FUT5: variants seen among roughly 807,000 people sequenced by gnomAD.
FUT5 encodes the protein 4-galactosyl-N-acetylglucosaminide 3-alpha-L-fucosyltransferase FUT5.
Under a neutral mutation model 0.8 loss-of-function variants are expected in FUT5, and 1 was observed. That is an observed-to-expected ratio of 1.26 (90% CI 0.45 to 5.99). FUT5 has a LOEUF of 5.99. Ranked by LOEUF, FUT5 falls within the 30% of genes most tolerant of loss-of-function variation. The pLI is 0.15. For synonymous variants in FUT5, 212 were observed against 225.7 expected (o/e 0.94, Z 0.54); for missense variants, 437 against 517.8 (o/e 0.84, Z 1.51).
rs1016005845 is a variant in FUT5 at position 5,866,543 on chromosome 19, A to G, written c.*58T>C. On this transcript the variant is annotated 3_prime_UTR_variant, in exon 2 of 2. Coordinates refer to ENST00000588525, the MANE Select transcript of FUT5 (RefSeq NM_002034.2). The surrounding 1 kb of genome is among the most constrained non-coding windows in gnomAD (Gnocchi z 4.9). ...TAAATCCCCCGACTAGTGAGACCCT[A>G]GGTAGGTGAGGCCCTGGGAAAGTGA... 44 of 1,611,266 alleles carry G rather than the reference A, an allele frequency of 2.7e-5. No homozygotes were observed. Among genetic ancestry groups the G allele is most frequent in the Non-Finnish European group, 3.7e-5 (44 of 1,179,080 alleles).
rs1432617107 is a variant in FUT5 at position 5,867,455 on chromosome 19, G to A, written c.271C>T (p.Leu91=). ...WTWPFNTPVA[L]PRCSEMVPGA... ...GGCACCATCTCTGAGCAGCGGGGCA[G>A]AGCCACGGGTGTGTTAAAAGGCCAC... The change falls in exon 2 of 2, where the codon CTG becomes TTG. Residue 91 remains leucine, a synonymous_variant. Transcript: ENST00000588525. The surrounding 1 kb of genome is among the most constrained non-coding windows in gnomAD (Gnocchi z 5.0). The A allele has an allele frequency of 6.2e-7, 1 of 1,608,324 alleles. No individual in the cohort carries two copies.
chr19:5,866,477 C>T lies in FUT5; in HGVS notation c.*124G>A, dbSNP rs937394802. 41 of 1,091,452 alleles carry T rather than the reference C, an allele frequency of 3.8e-5. No individual in the cohort carries two copies. The Admixed American group carries it at 5.5e-4, about 15-fold the overall frequency. 67.6% of individuals were successfully genotyped at this position (1,091,452 alleles called of 1,614,324 possible). ...GGTGAGGCCCCAGGCAGGTGAGACC[C>T]CAGGCAGCCGAGGCCCCAGGCAGCC... On this transcript the variant is annotated 3_prime_UTR_variant, in exon 2 of 2. Coordinates refer to ENST00000588525, the MANE Select transcript of FUT5 (RefSeq NM_002034.2). The surrounding 1 kb of genome is among the most constrained non-coding windows in gnomAD (Gnocchi z 4.9).
chr19:5,868,546 T>A (rs546345979), intron 1 of FUT5, among the ~76,000 whole-genome samples: 1 of 152,116 alleles, frequency 6.6e-6, no homozygotes, highest in Non-Finnish European at 1.5e-5. Context: ...TTAAAAAAAA[T>A]TTTATAGGCC....
chr19:5,866,415 A>T lies in FUT5; in HGVS notation c.*186T>A. 1.1e-6 allele frequency: 1 copy of T among 930,388 alleles called. No homozygotes were observed. Among genetic ancestry groups the T allele is most frequent in the Non-Finnish European group, 1.6e-6 (1 of 608,276 alleles). 57.6% of individuals were successfully genotyped at this position (930,388 alleles called of 1,614,324 possible). On this transcript the variant is annotated 3_prime_UTR_variant, in exon 2 of 2. Coordinates refer to ENST00000588525, the MANE Select transcript of FUT5 (RefSeq NM_002034.2). This position sits in a 1 kb window ranked among gnomAD's most constrained non-coding sequence, Gnocchi z 4.9. ...AGTGAAGCCCGGCAAGTGAAATCCCAGGTAAGTCACATGCCTGGCCACCAA... is the reference window on the plus strand; with the variant it reads ...AGTGAAGCCCGGCAAGTGAAATCCCTGGTAAGTCACATGCCTGGCCACCAA...
At chr19:5,868,646 C>T (rs989570677) in intron 1 of FUT5, among the ~76,000 whole-genome samples, 27 of 152,246 alleles carry the variant, frequency 1.8e-4, no homozygotes, top group Non-Finnish European at 3.2e-4. Context: ...ACCAGCCTGG[C>T]CAACATGGCA....
intron 1 of FUT5, among the ~76,000 whole-genome samples, chr19:5,868,158 G>GGA (rs1443859307): frequency 6.6e-6 from 1 of 152,160 alleles, no homozygotes; most frequent in East Asian, 1.9e-4. Context: ...CCGTCCTGGG[G>GGA]GAGAGGCTGA....
Position 5,867,737 on chromosome 19 carries a change from G to T in FUT5, c.-12C>A, listed in dbSNP as rs778971. 935,443 of 1,612,202 alleles carry T rather than the reference G, an allele frequency of 0.58. 276,086 individuals carry two copies. The highest frequency in any genetic ancestry group is 0.8 in the East Asian group (36,020 of 44,838). On this transcript the variant is annotated splice_region_variant and 5_prime_UTR_variant, in exon 2 of 2. Coordinates refer to ENST00000588525, the MANE Select transcript of FUT5 (RefSeq NM_002034.2). The surrounding 1 kb of genome is among the most constrained non-coding windows in gnomAD (Gnocchi z 5.0). ...CCCAGGGGATCCATGGGTCAGAGTA[G>T]CTGGGAAGAGAGGAGAGAGGAGTGA... is the stretch of plus-strand genomic sequence containing the variant.
chr19:5,868,325 C>G (rs1410969220), intron 1 of FUT5, among the ~76,000 whole-genome samples: 1 of 151,912 alleles, frequency 6.6e-6, no homozygotes, highest in East Asian at 1.9e-4. Context: ...CTGGAGACAC[C>G]CAGCACGGAA....
intron 1 of FUT5, among the ~76,000 whole-genome samples, chr19:5,868,537 T>TA (rs573683109): frequency 9.4e-4 from 143 of 152,176 alleles, no homozygotes; most frequent in Non-Finnish European, 1.4e-3. Flanking sequence ...ACAGCATATT[T>TA]AAAAAAAATT....
In FUT5 at chr19:5,867,625, A is replaced by G. The variant is rs1412580771; in HGVS notation, c.101T>C (p.Leu34Pro). The G allele has an allele frequency of 2.5e-6, 4 of 1,613,570 alleles. No individual in the cohort carries two copies. Among genetic ancestry groups the G allele is most frequent in the Admixed American group, 1.7e-5 (1 of 60,016 alleles). ...AGTGGCATCGTCTCGGGACACACGC[A>G]GGTAGGAGAAGAAACACACAGCCAC... ...LLVAVCFFSY[L>P]RVSRDDATGS... The change falls in exon 2 of 2, where the codon CTG becomes CCG. Residue 34 changes from leucine (L) to proline (P), a missense_variant. Physicochemically the swap from Leu to Pro is moderately conservative, Grantham distance 98. This residue lies in a region of FUT5 where 261 missense variants were observed against 242.6 expected (regional missense o/e 1.08). Transcript: ENST00000588525. This position sits in a 1 kb window ranked among gnomAD's most constrained non-coding sequence, Gnocchi z 5.0.
rs752826737 is a variant in FUT5 at position 5,866,820 on chromosome 19, G to A, written c.906C>T (p.Ala302=). ...SNYERFLPPD[A]FIHVDDFQSP... is the part of the protein sequence containing the mutation. ...TCTGGAAGTCGTCCACGTGGATGAA[G>A]GCGTCGGGTGGCAGGAACCTCTCGT... The change falls in exon 2 of 2, where the codon GCC becomes GCT. Residue 302 remains alanine (A), a synonymous_variant. Coordinates refer to ENST00000588525, the MANE Select transcript of FUT5 (RefSeq NM_002034.2). The surrounding 1 kb of genome is among the most constrained non-coding windows in gnomAD (Gnocchi z 4.9). 3.1e-6 allele frequency: 5 copies of A among 1,603,982 alleles called. No individual in the cohort carries two copies. Among genetic ancestry groups the A allele is most frequent in the South Asian group, 2.2e-5 (2 of 90,508 alleles).
intron 1 of FUT5, among the ~76,000 whole-genome samples, chr19:5,868,266 G>A (rs1316731906): frequency 6.6e-6 from 1 of 151,960 alleles, no homozygotes; most frequent in Admixed American, 6.6e-5. Context: ...GGGATCTGGG[G>A]CCCCAGGGAG....
Position 5,870,082 on chromosome 19 carries a change from A to AAG in FUT5, c.-13+382_-13+383insCT, listed in dbSNP as rs1242473967. Among the ~76,000 whole-genome samples the AAG allele has an allele frequency of 1.6e-3, 243 of 151,298 alleles. 1 individual carries two copies. The highest frequency in any genetic ancestry group is 3.4e-3 in the Middle Eastern group (1 of 294). ...ACTCCATCTCAAAAAAAAAAAAAAAAAAAAAGAAAAAGAAAAACATTAAAT... is the reference window on the plus strand; with the variant it reads ...ACTCCATCTCAAAAAAAAAAAAAAAAAGAAAAAGAAAAAGAAAAACATTAAAT... On this transcript the variant is annotated intron_variant, in intron 1 of 1. Coordinates refer to ENST00000588525, the MANE Select transcript of FUT5 (RefSeq NM_002034.2).
chr19:5,866,525 C>G lies in FUT5; in HGVS notation c.*76G>C, dbSNP rs886278676. ...GCCGAGGCCCCAGGTAGGTAAATCC[C>G]CCGACTAGTGAGACCCTAGGTAGGT... On this transcript the variant is annotated 3_prime_UTR_variant, in exon 2 of 2. Coordinates refer to ENST00000588525, the MANE Select transcript of FUT5 (RefSeq NM_002034.2). This position sits in a 1 kb window ranked among gnomAD's most constrained non-coding sequence, Gnocchi z 4.9. The G allele has an allele frequency of 1.9e-6, 3 of 1,610,288 alleles. No individual in the cohort carries two copies. Among genetic ancestry groups the G allele is most frequent in the Non-Finnish European group, 1.7e-6 (2 of 1,178,740 alleles).
In FUT5 at chr19:5,867,734, G is replaced by A. The variant is rs1437242375; in HGVS notation, c.-9C>T. On this transcript the variant is annotated 5_prime_UTR_variant, in exon 2 of 2. Transcript: ENST00000588525. This position sits in a 1 kb window ranked among gnomAD's most constrained non-coding sequence, Gnocchi z 5.0. ...GGGCCCAGGGGATCCATGGGTCAGA[G>A]TAGCTGGGAAGAGAGGAGAGAGGAG... 1 of 1,613,166 alleles carries A rather than the reference G, an allele frequency of 6.2e-7. No homozygotes were observed.
Position 5,867,728 on chromosome 19 carries a change from G to A in FUT5, c.-3C>T. ...TTGGCTGGGCCCAGGGGATCCATGG[G>A]TCAGAGTAGCTGGGAAGAGAGGAGA... On this transcript the variant is annotated 5_prime_UTR_variant, in exon 2 of 2. Transcript: ENST00000588525. The surrounding 1 kb of genome is among the most constrained non-coding windows in gnomAD (Gnocchi z 5.0). 1 of 1,613,216 alleles carries A rather than the reference G, an allele frequency of 6.2e-7. No individual in the cohort carries two copies. The highest frequency in any genetic ancestry group is 8.5e-7 in the Non-Finnish European group (1 of 1,179,992).
At position 5,867,049 on chromosome 19, in the gene FUT5, A is replaced by G; in HGVS notation, c.677T>C (p.Leu226Pro). Residue 226 changes from leucine to proline, a missense_variant, in exon 2 of 2, where the codon CTG becomes CCG. By Grantham distance (98) the Leu-to-Pro change is moderately conservative. Around this residue, in one of 2 missense-constraint regions of FUT5, gnomAD observed 176 missense variants for 275.2 expected, o/e 0.64. Coordinates refer to ENST00000588525, the MANE Select transcript of FUT5 (RefSeq NM_002034.2). The surrounding 1 kb of genome is among the most constrained non-coding windows in gnomAD (Gnocchi z 5.0). ...CACGTCCACCTTGAGATGAGCCTGC[A>G]GGCTCTGGTAGTAGCGCACCCTGGC... ...DSARVRYYQS[L>P]QAHLKVDVYG... is the part of the protein sequence containing the mutation. 2 of 1,613,500 alleles carry G rather than the reference A, an allele frequency of 1.2e-6. No homozygotes were observed. Among genetic ancestry groups the G allele is most frequent in the Non-Finnish European group, 1.7e-6 (2 of 1,179,838 alleles).
chr19:5,866,682 C>G lies in FUT5; in HGVS notation c.1044G>C (p.Leu348=), dbSNP rs142202309. The change falls in exon 2 of 2, where the codon CTG becomes CTC. Residue 348 remains leucine (L), a synonymous_variant. Transcript: ENST00000588525. This position sits in a 1 kb window ranked among gnomAD's most constrained non-coding sequence, Gnocchi z 4.9. ...TLRPRSFSWA[L]AFCKACWKLQ... ...GCTTCCAGCAGGCCTTGCAGAAAGC[C>G]AGTGCCCAGCTGAAGGAGCGAGGCC... The G allele has an allele frequency of 2.5e-4, 411 of 1,612,574 alleles. 3 individuals are homozygous for G. The Middle Eastern group carries it at 3.0e-3, about 12-fold the overall frequency.
chr19:5,867,012 G>A lies in FUT5; in HGVS notation c.714C>T (p.Ser238=). Residue 238 remains serine, a synonymous_variant, in exon 2 of 2, where the codon TCC becomes TCT. Coordinates refer to ENST00000588525, the MANE Select transcript of FUT5 (RefSeq NM_002034.2). The surrounding 1 kb of genome is among the most constrained non-coding windows in gnomAD (Gnocchi z 5.0). Reference sequence around the variant, plus strand: ...TGGTCCCCTTGGGCAGGGGCTTGTGGGAGCGTCCGTACACGTCCACCTTGA... The same window carrying A: ...TGGTCCCCTTGGGCAGGGGCTTGTGAGAGCGTCCGTACACGTCCACCTTGA... ...AHLKVDVYGR[S]HKPLPKGTMM... is the part of the protein sequence containing the mutation. The A allele has an allele frequency of 1.9e-6, 3 of 1,613,684 alleles. No homozygotes were observed. The highest frequency in any genetic ancestry group is 3.3e-4 in the Middle Eastern group (2 of 6,056).
Sources: allele counts gnomAD v4.1 joint callset (sites outside exome capture counted in the v4.1 genomes callset), GRCh38; gene constraint gnomAD v4.1.1; regional missense constraint gnomAD v4.1.1; non-coding constraint Gnocchi (gnomAD v3.1); transcripts MANE v1.5; gene names NCBI Gene and HGNC (gene_info 2026-07-23, HGNC 2026-07-21).